Variants in C1orf21 observed in about 807,000 individuals in gnomAD.
C1orf21 encodes the protein uncharacterized protein C1orf21.
C1orf21 carries 3 observed loss-of-function variants against 18.7 expected under a neutral mutation model. The observed-to-expected ratio is 0.16, with a 90% confidence interval of 0.07 to 0.42. The LOEUF is 0.42. C1orf21 is among the 10% of genes least tolerant of loss of function. The pLI, the probability that C1orf21 is intolerant of heterozygous loss-of-function variation, is 0.99. For missense variants in C1orf21, 104 were observed against 143.6 expected (o/e 0.72, Z 1.41); for synonymous variants, 41 against 46.4 (o/e 0.88, Z 0.47).
intron 2 of C1orf21, among the ~76,000 whole-genome samples, chr1:184,481,297 T>C (rs1049894849): frequency 1.3e-5 from 2 of 152,304 alleles, no homozygotes; most frequent in East Asian, 1.9e-4. Context: ...GTGGTGACAC[T>C]TCTCTATGTA....
At chr1:184,434,078 C>T (rs1173488661) in intron 1 of C1orf21, among the ~76,000 whole-genome samples, 1 of 152,146 alleles carries the variant, frequency 6.6e-6, no homozygotes, top group African/African-American at 2.4e-5. Flanking sequence ...TAATTATTTT[C>T]CAGACTCTGG....
rs146181666 is a variant in C1orf21 at position 184,610,925 on chromosome 1, A to C, written c.328-8593A>C. On this transcript the variant is annotated intron_variant, in intron 5 of 5. Coordinates refer to ENST00000235307, the MANE Select transcript of C1orf21 (RefSeq NM_030806.4). Reference sequence around the variant, plus strand: ...GGGATTCGGGTATAATAAACACTTCATGGGGGTTTCGAAGCTGTTTAGTTA... The same window carrying C: ...GGGATTCGGGTATAATAAACACTTCCTGGGGGTTTCGAAGCTGTTTAGTTA... Among the ~76,000 whole-genome samples the C allele has an allele frequency of 1.4e-3, 206 of 151,770 alleles. 2 individuals carry two copies. Among genetic ancestry groups the C allele is most frequent in the African/African-American group, 4.9e-3 (201 of 41,372 alleles).
At chr1:184,504,716 G>C (rs1658027500) in intron 2 of C1orf21, among the ~76,000 whole-genome samples, 1 of 151,986 alleles carries the variant, frequency 6.6e-6, no homozygotes, top group Admixed American at 6.5e-5. Flanking sequence ...AGCTTTTTTT[G>C]TTTTATACCG....
At chr1:184,509,950 C>T (rs187006171) in intron 3 of C1orf21, among the ~76,000 whole-genome samples, 85 of 152,224 alleles carry the variant, frequency 5.6e-4, no homozygotes, top group South Asian at 1.2e-3. Context: ...CCACCCATCA[C>T]GTGAGGAAAA....
At chr1:184,483,450 C>T (rs1052232664) in intron 2 of C1orf21, among the ~76,000 whole-genome samples, 20 of 152,294 alleles carry the variant, frequency 1.3e-4, no homozygotes, top group African/African-American at 4.1e-4. Context: ...GCAGCCCGCC[C>T]CCAAGTGGGG....
At chr1:184,587,514 T>G (rs971687676) in intron 3 of C1orf21, among the ~76,000 whole-genome samples, 28 of 146,866 alleles carry the variant, frequency 1.9e-4, no homozygotes, top group African/African-American at 7.2e-4. Context: ...CTTAGCTGTG[T>G]TCCTAGGAAT....
At chr1:184,498,526 G>C (rs903843915) in intron 2 of C1orf21, among the ~76,000 whole-genome samples, 1 of 152,026 alleles carries the variant, frequency 6.6e-6, no homozygotes, top group South Asian at 2.1e-4. Context: ...CGTCAGTCTC[G>C]ATGGCAGTGA....
intron 3 of C1orf21, among the ~76,000 whole-genome samples, chr1:184,546,916 A>AT (rs1658736178): frequency 6.6e-6 from 1 of 152,208 alleles, no homozygotes; most frequent in South Asian, 2.1e-4. Context: ...CTACACCCTG[A>AT]TTTAGAGCAC....
intron 4 of C1orf21, among the ~76,000 whole-genome samples, 170 bp downstream of exon 4, chr1:184,590,985 A>C (rs1256910603): frequency 6.6e-6 from 1 of 152,240 alleles, no homozygotes; most frequent in Non-Finnish European, 1.5e-5. Context: ...TGTTGAATTC[A>C]TGTGAATGAA....
intron 1 of C1orf21, among the ~76,000 whole-genome samples, chr1:184,457,355 T>A (rs58307611): frequency 0.068 from 10,308 of 152,236 alleles, 1,157 homozygotes; most frequent in African/African-American, 0.23. Flanking sequence ...TCAAACAGAC[T>A]GTGCTTAGCT....
Position 184,498,723 on chromosome 1 carries a change from A to T in C1orf21, c.95-8865A>T, listed in dbSNP as rs141677566. ...AATATAGTTTACCCTGAAAAAGAAC[A>T]TCACTGTTTGTGGAAATGATGCATT... On this transcript the variant is annotated intron_variant, in intron 2 of 5. Coordinates refer to ENST00000235307, the MANE Select transcript of C1orf21 (RefSeq NM_030806.4). Among the ~76,000 whole-genome samples the T allele has an allele frequency of 2.0e-5, 3 of 152,354 alleles. No homozygotes were observed. In the East Asian group the frequency reaches 5.8e-4, roughly 29 times the overall value.
chr1:184,546,749 C>A (rs557349352), intron 3 of C1orf21, among the ~76,000 whole-genome samples: 2 of 152,280 alleles, frequency 1.3e-5, no homozygotes, highest in East Asian at 3.9e-4. Context: ...AGGCAACCTC[C>A]AGGTATATGA....
chr1:184,516,993 C>T lies in C1orf21; in HGVS notation c.189+9311C>T, dbSNP rs191199098. On this transcript the variant is annotated intron_variant, in intron 3 of 5. Coordinates refer to ENST00000235307, the MANE Select transcript of C1orf21 (RefSeq NM_030806.4). ...AATAAGCTGTGGTTGAAGCAGTACC[C>T]TGTAAGGGGGCTTGTGTTTTCCGAA... is the stretch of plus-strand genomic sequence containing the variant. Among the ~76,000 whole-genome samples, 57 of 152,340 alleles carry T rather than the reference C, an allele frequency of 3.7e-4. No individual in the cohort carries two copies. The East Asian group carries it at 0.01, about 27-fold the overall frequency.
intron 1 of C1orf21, among the ~76,000 whole-genome samples, chr1:184,416,510 TGC>T: frequency 6.6e-6 from 1 of 152,252 alleles, no homozygotes; most frequent in Admixed American, 6.5e-5. Flanking sequence ...AATTTGTCAT[TGC>T]TTAAAATTAA....
At chr1:184,480,778 G>A (rs1162239791) in intron 2 of C1orf21, among the ~76,000 whole-genome samples, 1 of 152,132 alleles carries the variant, frequency 6.6e-6, no homozygotes, top group African/African-American at 2.4e-5. Flanking sequence ...TTTTAAAGGG[G>A]GACTTGGCAT....
chr1:184,607,799 C>T (rs1322078246), intron 5 of C1orf21, among the ~76,000 whole-genome samples: 2 of 150,878 alleles, frequency 1.3e-5, no homozygotes, highest in African/African-American at 4.9e-5. Context: ...ATTTCAAATA[C>T]AATTATTAAG....
At chr1:184,400,621 A>T in intron 1 of C1orf21, among the ~76,000 whole-genome samples, 1 of 152,124 alleles carries the variant, frequency 6.6e-6, no homozygotes, top group South Asian at 2.1e-4. Flanking sequence ...TACCATAATT[A>T]TTCATTTGGC....
At chr1:184,416,353 A>G (rs1446404807) in intron 1 of C1orf21, among the ~76,000 whole-genome samples, 1 of 152,202 alleles carries the variant, frequency 6.6e-6, no homozygotes, top group African/African-American at 2.4e-5. Context: ...ATAAAATTTT[A>G]TGAAAATTAA....
chr1:184,449,942 T>C (rs150477026), intron 1 of C1orf21, among the ~76,000 whole-genome samples: 42 of 152,312 alleles, frequency 2.8e-4, no homozygotes, highest in Middle Eastern at 3.4e-3. Context: ...AAGGCTCGCA[T>C]TGGATGTTGT....
Sources: gnomAD v4.1 joint callset for allele counts (sites outside exome capture counted in the v4.1 genomes callset) on GRCh38, gnomAD v4.1.1 for gene constraint, MANE v1.5 for transcripts, NCBI Gene and HGNC (gene_info 2026-07-23, HGNC 2026-07-21) for gene names.